PGR: variants seen among roughly 807,000 people sequenced by gnomAD.
The protein encoded by PGR is nuclear receptor subfamily 3 group C member 3.
A neutral mutation model predicts 76.1 loss-of-function variants in PGR; 25 were observed. The ratio of observed to expected loss-of-function variants is 0.33; its 90% CI spans 0.24 to 0.46. The LOEUF (loss-of-function observed/expected upper bound fraction) is 0.46. Among genes scored for constraint, PGR ranks in the 20% least tolerant of loss-of-function variants. The pLI, the probability that PGR is intolerant of heterozygous loss-of-function variation, is 1.00. For missense variants in PGR, 1,172 were observed against 1,225.3 expected (o/e 0.96, Z 0.65); for synonymous variants, 579 against 535.0 (o/e 1.08, Z -1.14).
At chr11:101,112,605 A>T (rs1361202049) in intron 2 of PGR, among the ~76,000 whole-genome samples, 1 of 152,196 alleles carries the variant, frequency 6.6e-6, no homozygotes, top group Non-Finnish European at 1.5e-5. Context: ...TGGCAGGCTG[A>T]GAAGAGAAGG....
chr11:101,119,399 T>C (rs1190427449), intron 2 of PGR, among the ~76,000 whole-genome samples: 1 of 150,930 alleles, frequency 6.6e-6, no homozygotes, highest in East Asian at 2.4e-4. Flanking sequence ...GTTTTTTTTC[T>C]GACAAAAGCA....
Position 101,037,590 on chromosome 11 carries a change from A to T in PGR, c.*1526T>A, listed in dbSNP as rs1381886328. The T allele has an allele frequency of 4.4e-6, 1 of 227,978 alleles. No homozygotes were observed. The highest frequency in any genetic ancestry group is 8.7e-6 in the Non-Finnish European group (1 of 114,822). The allele number at this position is 227,978 out of a possible 1,614,324, so 14.1% of individuals were successfully genotyped here. A position where few individuals can be genotyped will look rare whatever the true frequency, so the allele number is the denominator to read the frequency against. On this transcript the variant is annotated 3_prime_UTR_variant, in exon 8 of 8. Coordinates refer to ENST00000325455, the MANE Select transcript of PGR (RefSeq NM_000926.4). ...TTCAGTTTAAAAACTTAGAACAAGG[A>T]ATCTAAAGTATTGTCCTTAAGACAC...
rs952605289 is a variant in PGR, at chr11:101,127,373, C to A, written c.1637+61G>T. ...GGCTGGGGCTGAGGGTTGGCGGCCG[C>A]CGCCGCCAACGGAACCGCTACTCCC... On this transcript the variant is annotated intron_variant, in intron 1 of 7. Transcript: ENST00000325455. 7 of 1,318,206 alleles carry A rather than the reference C, an allele frequency of 5.3e-6. No homozygotes were observed. The South Asian group carries it at 6.1e-5, about 11-fold the overall frequency. The allele number at this position is 1,318,206 out of a possible 1,614,324, so 81.7% of individuals were successfully genotyped here.
intron 7 of PGR, among the ~76,000 whole-genome samples, chr11:101,039,659 T>C (rs1237333777): frequency 6.6e-6 from 1 of 152,044 alleles, no homozygotes; most frequent in Non-Finnish European, 1.5e-5. Flanking sequence ...CTGTTTTATA[T>C]AACAACATAT....
intron 4 of PGR, among the ~76,000 whole-genome samples, chr11:101,059,857 A>AAAAG (rs1555050861): frequency 3.2e-4 from 45 of 138,812 alleles, no homozygotes; most frequent in Non-Finnish European, 6.3e-4. Flanking sequence ...AAAAAAAAAA[A>AAAAG]AAAAGAAAAA....
intron 2 of PGR, among the ~76,000 whole-genome samples, chr11:101,124,610 G>C (rs552827806): frequency 4.9e-4 from 75 of 152,120 alleles, no homozygotes; most frequent in Non-Finnish European, 9.4e-4. Context: ...GAGACTTTAA[G>C]AAGAGAGGAA....
At chr11:101,104,007 ATATAAAATC>A (rs1396660916) in intron 2 of PGR, among the ~76,000 whole-genome samples, 2 of 152,234 alleles carry the variant, frequency 1.3e-5, no homozygotes, top group Admixed American at 1.3e-4. Context: ...AAAATAATGT[ATATAAAATC>A]TATAGCACCA....
At chr11:101,050,767 T>G (rs958695513) in intron 5 of PGR, among the ~76,000 whole-genome samples, 12 of 152,084 alleles carry the variant, frequency 7.9e-5, no homozygotes, top group African/African-American at 2.9e-4. Flanking sequence ...ATTATATAAT[T>G]CTCCTGAGAC....
intron 2 of PGR, among the ~76,000 whole-genome samples, chr11:101,117,135 G>A (rs180741175): frequency 1.3e-5 from 2 of 152,282 alleles, no homozygotes; most frequent in African/African-American, 4.8e-5. Flanking sequence ...TTGGGCCAAA[G>A]TAACGCATAT....
chr11:101,128,736 T>C lies in PGR; in HGVS notation c.335A>G (p.Asp112Gly). The C allele has an allele frequency of 5.6e-6, 9 of 1,613,130 alleles. No individual in the cohort carries two copies. Among genetic ancestry groups the C allele is most frequent in the Non-Finnish European group, 7.6e-6 (9 of 1,179,928 alleles). ...CGCCAACAGAGTGTCCAAGACACTG[T>C]CCAGCAGTCCGCTGTCCTTTTCTGG... ...SPPEKDSGLL[D>G]SVLDTLLAPS... The change falls in exon 1 of 8, where the codon GAC (aspartate) becomes GGC (glycine). Residue 112 changes from aspartate to glycine, a missense_variant. Transcript: ENST00000325455.
At chr11:101,063,494 T>C (rs1274720638) in intron 3 of PGR, 1 of 152,240 alleles carries the variant, frequency 6.6e-6, no homozygotes, top group Non-Finnish European at 1.5e-5. Flanking sequence ...GAGTAGAATC[T>C]GCTTTATGAG....
intron 2 of PGR, among the ~76,000 whole-genome samples, chr11:101,119,948 C>G (rs1438272849): frequency 6.6e-6 from 1 of 152,176 alleles, no homozygotes; most frequent in Non-Finnish European, 1.5e-5. Flanking sequence ...ACTAACAGAA[C>G]CTCCACCTCA....
intron 4 of PGR, among the ~76,000 whole-genome samples, chr11:101,061,676 A>G (rs988889770): frequency 2.6e-5 from 4 of 152,168 alleles, no homozygotes; most frequent in African/African-American, 9.6e-5. Context: ...TTCTATTTCT[A>G]ATTATAGGAG....
intron 2 of PGR, among the ~76,000 whole-genome samples, chr11:101,092,277 A>T (rs1374643523): frequency 6.6e-6 from 1 of 152,224 alleles, no homozygotes; most frequent in African/African-American, 2.4e-5. Context: ...TGCCTTCAAG[A>T]AAACAGATAC....
intron 6 of PGR, among the ~76,000 whole-genome samples, chr11:101,042,804 T>C (rs1368585308): frequency 6.6e-6 from 1 of 152,154 alleles, no homozygotes; most frequent in Admixed American, 6.6e-5. Context: ...ACGTAGAAGT[T>C]ATATTTACAC....
At chr11:101,053,782 C>T (rs1225644030) in intron 4 of PGR, among the ~76,000 whole-genome samples, 2 of 151,224 alleles carry the variant, frequency 1.3e-5, no homozygotes, top group African/African-American at 4.9e-5. Context: ...TCCCTAATAC[C>T]TTCCTGCTTT....
chr11:101,064,709 TG>T (rs1261137340), intron 3 of PGR, among the ~76,000 whole-genome samples: 1 of 152,204 alleles, frequency 6.6e-6, no homozygotes, highest in Non-Finnish European at 1.5e-5. Flanking sequence ...GCTAAATGAA[TG>T]AAGGAATACA....
chr11:101,123,177 A>G (rs1591434583), intron 2 of PGR, among the ~76,000 whole-genome samples: 1 of 152,196 alleles, frequency 6.6e-6, no homozygotes, highest in East Asian at 1.9e-4. Flanking sequence ...GGGAGTAATA[A>G]TAATAATACC....
rs993094466 is a variant in PGR, at chr11:101,113,965, G to A, written c.1789+12042C>T. ...ACTTTCATCCGCCCCCCCATCCAAA[G>A]TGGCCTCTGGATGGGCCTTTGCACA... On this transcript the variant is annotated intron_variant, in intron 2 of 7. Coordinates refer to ENST00000325455, the MANE Select transcript of PGR (RefSeq NM_000926.4). Among the ~76,000 whole-genome samples, 11 of 152,218 alleles carry A rather than the reference G, an allele frequency of 7.2e-5. No homozygotes were observed. In the East Asian group the frequency reaches 1.9e-3, roughly 27 times the overall value.
Sources: gnomAD v4.1 joint callset for allele counts (sites outside exome capture counted in the v4.1 genomes callset) on GRCh38, gnomAD v4.1.1 for gene constraint, MANE v1.5 for transcripts, NCBI Gene and HGNC (gene_info 2026-07-23, HGNC 2026-07-21) for gene names.